SCTR: variants seen among roughly 807,000 people sequenced by gnomAD.
The protein encoded by SCTR is secretin receptor, also known as pancreatic secretin receptor.
Under a neutral mutation model 60.8 loss-of-function variants are expected in SCTR, and 56 were observed. The observed-to-expected ratio is 0.92, with a 90% CI of 0.74 to 1.15. SCTR has a LOEUF of 1.15. Ranked by LOEUF, SCTR falls within the 50% of genes most tolerant of loss-of-function variation. SCTR has a pLI of 0.00. For synonymous variants in SCTR, 202 were observed against 217.0 expected, an observed-to-expected ratio of 0.93 and a Z score of 0.61; for missense variants, 562 against 550.4, an observed-to-expected ratio of 1.02 and a Z score of -0.21.
intron 9 of SCTR, 141 bp from the exon 10 acceptor site, chr2:119,448,921 C>A: frequency 1.6e-6 from 1 of 614,714 alleles, no homozygotes; most frequent in Non-Finnish European, 2.9e-6. Flanking sequence ...TGCCGCTCCT[C>A]TCCATCCCCT....
chr2:119,475,009 A>G (rs1260947859), intron 3 of SCTR, among the ~76,000 whole-genome samples: 1 of 152,052 alleles, frequency 6.6e-6, no homozygotes, highest in East Asian at 1.9e-4. Context: ...CAAAATAATC[A>G]CCCACACTGC....
intron 7 of SCTR, among the ~76,000 whole-genome samples, chr2:119,459,001 G>T (rs187274184): frequency 6.6e-6 from 1 of 152,140 alleles, no homozygotes; most frequent in African/African-American, 2.4e-5. Flanking sequence ...CACCTCAGCC[G>T]CTCTGAAAAA....
chr2:119,473,355 G>T, intron 4 of SCTR, 98 bp downstream of exon 4: 1 of 788,600 alleles, frequency 1.3e-6, no homozygotes, highest in Non-Finnish European at 2.2e-6. Flanking sequence ...TCCCAGGCCT[G>T]TGCCACCCTG....
chr2:119,496,144 G>A (rs1464463712), intron 1 of SCTR, among the ~76,000 whole-genome samples: 1 of 152,240 alleles, frequency 6.6e-6, no homozygotes, highest in Non-Finnish European at 1.5e-5. Context: ...AGTGGAGGAA[G>A]TGGAAGAGCT....
intron 3 of SCTR, among the ~76,000 whole-genome samples, chr2:119,478,448 C>T (rs1432600580): frequency 2.6e-5 from 4 of 152,172 alleles, no homozygotes; most frequent in Admixed American, 2.6e-4. Context: ...GAGCCTGCCA[C>T]TACCAGGAGG....
intron 9 of SCTR, 76 bp downstream of exon 9, chr2:119,451,934 C>A: frequency 1.1e-6 from 1 of 908,620 alleles, no homozygotes. Flanking sequence ...TGTCCTTCCA[C>A]CCTCTGCCCC....
rs111607183 is a variant in SCTR at position 119,512,433 on chromosome 2, A to G, written c.72+11722T>C. 9.4e-3 allele frequency among the ~76,000 whole-genome samples: 1,316 copies of G among 140,524 alleles called. 17 individuals carry two copies. The highest frequency in any genetic ancestry group is 0.035 in the African/African-American group (1,217 of 34,350). 92.2% of individuals were successfully genotyped at this position (140,524 alleles called of 152,430 possible). A position where few individuals can be genotyped will look rare whatever the true frequency, so the allele number is the denominator to read the frequency against. On this transcript the variant is annotated intron_variant, in intron 1 of 12. Transcript: ENST00000019103. ...TCTTTTTGAGATGGAGTCCCGCTCT[A>G]TTTCCCAGGCTGGAGTGCAGTGGCG...
At chr2:119,491,186 C>T (rs1678110254) in intron 2 of SCTR, among the ~76,000 whole-genome samples, 1 of 152,206 alleles carries the variant, frequency 6.6e-6, no homozygotes, top group Non-Finnish European at 1.5e-5. Context: ...GTTCACCTCC[C>T]ACACTGTGGC....
rs1682601940 is a variant in SCTR at position 119,440,171 on chromosome 2, G to A, written c.1269C>T (p.Thr423=). The A allele has an allele frequency of 6.2e-7, 1 of 1,614,062 alleles. No individual in the cohort carries two copies. Residue 423 remains threonine, a synonymous_variant, in exon 13 of 13, where the codon ACC becomes ACT. Transcript: ENST00000019103. ...LHPVASFSNS[T]KASHLEQSQG... Reference sequence around the variant, plus strand: ...GGCTCTGCTCCAAGTGGCTGGCCTTGGTGCTGTTGCTGAAGGAGGCCACGG... The same window carrying A: ...GGCTCTGCTCCAAGTGGCTGGCCTTAGTGCTGTTGCTGAAGGAGGCCACGG...
chr2:119,454,852 C>T lies in SCTR; in HGVS notation c.791-1505G>A, dbSNP rs556118447. On this transcript the variant is annotated intron_variant, in intron 7 of 12. Transcript: ENST00000019103. Reference sequence around the variant, plus strand: ...CTGGGTGACAAGAGAGGAACTCCATCTCAAAAAAAAAAAAATGTAAAATAT... The same window carrying T: ...CTGGGTGACAAGAGAGGAACTCCATTTCAAAAAAAAAAAAATGTAAAATAT... Among the ~76,000 whole-genome samples the T allele has an allele frequency of 7.5e-3, 340 of 45,250 alleles. 2 individuals carry two copies. Among genetic ancestry groups the T allele is most frequent in the African/African-American group, 0.022 (311 of 14,140 alleles). 29.7% of individuals were successfully genotyped at this position (45,250 alleles called of 152,430 possible). A position where few individuals can be genotyped will look rare whatever the true frequency, so the allele number is the denominator to read the frequency against.
At chr2:119,484,686 G>T (rs199923982) in intron 2 of SCTR, 1 of 131,308 alleles carries the variant, frequency 7.6e-6, no homozygotes, top group African/African-American at 2.6e-5. Context: ...TTGTTTGTTT[G>T]TTTTTTGCCT....
intron 2 of SCTR, among the ~76,000 whole-genome samples, chr2:119,481,277 C>A (rs78435368): frequency 0.023 from 3,515 of 152,306 alleles, 122 homozygotes; most frequent in African/African-American, 0.076. Context: ...TCTGACCAGA[C>A]CCAAAGCATC....
intron 4 of SCTR, among the ~76,000 whole-genome samples, chr2:119,470,115 G>A (rs1442394248): frequency 2.6e-5 from 4 of 152,194 alleles, no homozygotes; most frequent in Non-Finnish European, 4.4e-5. Context: ...AAAGCAGGCA[G>A]TGGAGCCTCA....
At chr2:119,473,227 G>A (rs1010688175) in intron 4 of SCTR, among the ~76,000 whole-genome samples, 1 of 152,122 alleles carries the variant, frequency 6.6e-6, no homozygotes, top group Non-Finnish European at 1.5e-5. Flanking sequence ...ACCTGTGCCT[G>A]GGTTCCTCCT....
intron 2 of SCTR, chr2:119,479,218 G>A: frequency 9.1e-7 from 1 of 1,098,300 alleles, no homozygotes; most frequent in Non-Finnish European, 1.1e-6. Context: ...GTAAAGGTCT[G>A]GATTTCTCTG....
chr2:119,504,308 G>A (rs1350446456), intron 1 of SCTR, among the ~76,000 whole-genome samples: 3 of 152,110 alleles, frequency 2.0e-5, no homozygotes, highest in African/African-American at 7.2e-5. Flanking sequence ...TAAAAGCATA[G>A]GAGCTCAGCT....
chr2:119,464,086 G>C (rs200620540), intron 6 of SCTR, 37 bp downstream of exon 6: 2 of 1,611,524 alleles, frequency 1.2e-6, no homozygotes, highest in South Asian at 2.2e-5. Context: ...GAAGGCAGGC[G>C]GGCCTGGCGA....
intron 1 of SCTR, among the ~76,000 whole-genome samples, chr2:119,515,823 G>A (rs189644400): frequency 9.2e-5 from 14 of 152,330 alleles, no homozygotes; most frequent in African/African-American, 3.4e-4. Context: ...AGCACTGCAT[G>A]CCTCTAAGAT....
intron 4 of SCTR, among the ~76,000 whole-genome samples, chr2:119,466,760 AATAT>A (rs1350797899): frequency 2.2e-5 from 3 of 138,172 alleles, no homozygotes; most frequent in East Asian, 2.1e-4. Flanking sequence ...CAAATAAATA[AATAT>A]ATACATACAT....
Sources: gnomAD v4.1 joint callset for allele counts (sites outside exome capture counted in the v4.1 genomes callset) on GRCh38, gnomAD v4.1.1 for gene constraint, MANE v1.5 for transcripts, NCBI Gene and HGNC (gene_info 2026-07-23, HGNC 2026-07-21) for gene names.